The following CORIN variants were observed in gnomAD, a reference collection of about 807,000 sequenced individuals.
The protein encoded by CORIN is atrial natriuretic peptide-converting enzyme.
A neutral mutation model predicts 125.3 loss-of-function variants in CORIN; 117 were observed. The observed-to-expected ratio is 0.93, with a 90% CI of 0.80 to 1.09. CORIN has a LOEUF of 1.09. Among genes scored for constraint, CORIN ranks in the 50% least tolerant of loss-of-function variants. CORIN has a pLI of 0.00. For synonymous variants in CORIN, 450 were observed against 466.4 expected, an observed-to-expected ratio of 0.96 and a Z score of 0.45; for missense variants, 1,253 against 1,306.7, an observed-to-expected ratio of 0.96 and a Z score of 0.63.
At chr4:47,741,060 T>A (rs912694833) in intron 5 of CORIN, among the ~76,000 whole-genome samples, 1 of 151,926 alleles carries the variant, frequency 6.6e-6, no homozygotes, top group Non-Finnish European at 1.5e-5. Context: ...TTAAAATACA[T>A]ACACTAGAAG....
At position 47,595,658 on chromosome 4, in the gene CORIN, T is replaced by C. The variant is rs1721221794; in HGVS notation, c.*63A>G. ...TGTACAGCTCTCTGCAGGCAGCTCT[T>C]CACAGTCAAGAAGGCCATTTTCTTT... On this transcript the variant is annotated 3_prime_UTR_variant, in exon 22 of 22. Transcript: ENST00000273857. 14 of 1,369,058 alleles carry C rather than the reference T, an allele frequency of 1.0e-5. No individual in the cohort carries two copies. Among genetic ancestry groups the C allele is most frequent in the Non-Finnish European group, 1.4e-5 (14 of 999,924 alleles). The allele number at this position is 1,369,058 out of a possible 1,614,324, so 84.8% of individuals were successfully genotyped here. A position where few individuals can be genotyped will look rare whatever the true frequency, so the allele number is the denominator to read the frequency against.
chr4:47,595,884 A>T lies in CORIN; in HGVS notation c.2966T>A (p.Leu989His), dbSNP rs1341180862. 6.2e-7 allele frequency: 1 copy of T among 1,610,806 alleles called. No homozygotes were observed. The highest frequency in any genetic ancestry group is 8.5e-7 in the Non-Finnish European group (1 of 1,179,082). Reference sequence around the variant, plus strand: ...CCGTCCTCCAGGCTTCTCACAAACAAGAGGCCCACCGCTGTCACCCTGCAA... The same window carrying T: ...CCGTCCTCCAGGCTTCTCACAAACATGAGGCCCACCGCTGTCACCCTGCAA... ...DSCMGDSGGP[L>H]VCEKPGGRWT... The change falls in exon 22 of 22, where the codon CTT becomes CAT. Residue 989 changes from leucine (L) to histidine (H), a missense_variant. Transcript: ENST00000273857.
chr4:47,737,672 C>G (rs1311538899), intron 5 of CORIN, among the ~76,000 whole-genome samples: 1 of 152,188 alleles, frequency 6.6e-6, no homozygotes, highest in Non-Finnish European at 1.5e-5. Context: ...TTAATAAATA[C>G]TCTGTACACC....
chr4:47,743,203 A>T (rs1343990856), intron 5 of CORIN, among the ~76,000 whole-genome samples: 2 of 152,050 alleles, frequency 1.3e-5, no homozygotes, highest in African/African-American at 4.8e-5. Flanking sequence ...CACAGAAAAA[A>T]AAAACACAAA....
rs757124949 is a variant in CORIN at position 47,641,932 on chromosome 4, T to G, written c.2186A>C (p.Gln729Pro). The G allele has an allele frequency of 5.5e-5, 88 of 1,613,282 alleles. No individual in the cohort carries two copies. Among genetic ancestry groups the G allele is most frequent in the Non-Finnish European group, 7.1e-5 (84 of 1,179,512 alleles). The change falls in exon 16 of 22, where the codon CAG (glutamine) becomes CCG (proline). Residue 729 changes from glutamine to proline, a missense_variant. By Grantham distance (76) the Gln-to-Pro change is moderately conservative. Transcript: ENST00000273857. ...CTACTGACCTTACCCTAAACCCATC[T>G]GCTTGCAGGCCAGCTGACTCAATAT... ...QEILSQLACK[Q>P]MGLGEPSVTK...
At chr4:47,787,040 A>G (rs1577922838) in intron 2 of CORIN, 115 bp from the exon 3 acceptor site, 1 of 742,230 alleles carries the variant, frequency 1.3e-6, no homozygotes, top group East Asian at 2.7e-5. Flanking sequence ...CATTCTAACC[A>G]GGTAAACACA....
intron 19 of CORIN, among the ~76,000 whole-genome samples, chr4:47,606,697 T>C (rs1335434139): frequency 6.6e-6 from 1 of 152,034 alleles, no homozygotes; most frequent in East Asian, 1.9e-4. Context: ...TTTCCTTCTT[T>C]CTTTTACTTC....
At chr4:47,829,157 CAAAAAAAA>C (rs35771383) in intron 1 of CORIN, among the ~76,000 whole-genome samples, 16 of 64,286 alleles carry the variant, frequency 2.5e-4, no homozygotes, top group East Asian at 2.3e-3. Context: ...GACTCCGTCT[CAAAAAAAA>C]AAAAAAAAAA....
chr4:47,811,975 A>C (rs1213370938), intron 1 of CORIN, among the ~76,000 whole-genome samples: 2 of 152,208 alleles, frequency 1.3e-5, no homozygotes, highest in Admixed American at 1.3e-4. Flanking sequence ...GTATATCTGC[A>C]TATATGTGTA....
intron 6 of CORIN, among the ~76,000 whole-genome samples, chr4:47,689,179 A>T (rs950991815): frequency 1.3e-5 from 2 of 152,368 alleles, no homozygotes; most frequent in African/African-American, 4.8e-5. Context: ...GAACAATAAG[A>T]TAACAACAGT....
chr4:47,762,103 CAT>C (rs765425429), intron 4 of CORIN, among the ~76,000 whole-genome samples: 5 of 151,908 alleles, frequency 3.3e-5, no homozygotes, highest in Admixed American at 6.6e-5. Flanking sequence ...TATGTACACA[CAT>C]ATGTGTATAT....
At chr4:47,611,079 CT>C (rs1295330666) in intron 19 of CORIN, among the ~76,000 whole-genome samples, 2 of 152,052 alleles carry the variant, frequency 1.3e-5, no homozygotes, top group Admixed American at 1.3e-4. Context: ...GCTATATGGG[CT>C]CTTTTTTGGT....
Position 47,595,796 on chromosome 4 carries a change from G to T in CORIN, c.3054C>A (p.Gly1018=). Residue 1018 remains glycine, a synonymous_variant, in exon 22 of 22, where the codon GGC becomes GGA. Transcript: ENST00000273857. ...CGAAATATGACACATTACTATAAACGCCAGGCCCCAGGACTTTGGAAAAGC... is the reference window on the plus strand; with the variant it reads ...CGAAATATGACACATTACTATAAACTCCAGGCCCCAGGACTTTGGAAAAGC... ...SVCFSKVLGP[G]VYSNVSYFVE... The T allele has an allele frequency of 6.2e-7, 1 of 1,613,262 alleles. No individual in the cohort carries two copies. The highest frequency in any genetic ancestry group is 8.5e-7 in the Non-Finnish European group (1 of 1,179,596).
chr4:47,689,418 T>C (rs897376796), intron 6 of CORIN, among the ~76,000 whole-genome samples: 1 of 152,174 alleles, frequency 6.6e-6, no homozygotes, highest in African/African-American at 2.4e-5. Flanking sequence ...CTAAGCAGCC[T>C]GACTCAAGAA....
At chr4:47,800,935 T>G (rs1336073684) in intron 2 of CORIN, among the ~76,000 whole-genome samples, 2 of 152,210 alleles carry the variant, frequency 1.3e-5, no homozygotes, top group Non-Finnish European at 2.9e-5. Context: ...TTCTGCTTAA[T>G]GCATTTTCTC....
intron 9 of CORIN, among the ~76,000 whole-genome samples, chr4:47,675,666 A>G (rs561354265): frequency 6.6e-6 from 1 of 152,334 alleles, no homozygotes; most frequent in South Asian, 2.1e-4. Context: ...GTGCTCTGAT[A>G]GAGGTATCAT....
At chr4:47,761,914 T>G (rs1729479420) in intron 4 of CORIN, among the ~76,000 whole-genome samples, 2 of 152,122 alleles carry the variant, frequency 1.3e-5, no homozygotes, top group Admixed American at 1.3e-4. Context: ...GAGGACTGCT[T>G]GAGCCTAGGA....
intron 12 of CORIN, among the ~76,000 whole-genome samples, chr4:47,658,502 TCTG>T (rs1724097001): frequency 6.6e-6 from 1 of 152,262 alleles, no homozygotes; most frequent in African/African-American, 2.4e-5. Context: ...CATTGGGGAC[TCTG>T]TGTGGGGGCT....
chr4:47,800,061 T>C (rs1731472285), intron 2 of CORIN, among the ~76,000 whole-genome samples: 1 of 152,016 alleles, frequency 6.6e-6, no homozygotes, highest in African/African-American at 2.4e-5. Flanking sequence ...GAAAATAGAT[T>C]AGTGGCTGCT....
Sources: allele counts gnomAD v4.1 joint callset (sites outside exome capture counted in the v4.1 genomes callset), GRCh38; gene constraint gnomAD v4.1.1; transcripts MANE v1.5; gene names NCBI Gene and HGNC (gene_info 2026-07-23, HGNC 2026-07-21).